Variants in KAZN observed in about 807,000 individuals in gnomAD.
KAZN encodes kazrin.
A neutral mutation model predicts 87.4 loss-of-function variants in KAZN; 40 were observed. The ratio of observed to expected loss-of-function variants is 0.46; its 90% CI spans 0.36 to 0.60. The LOEUF (loss-of-function observed/expected upper bound fraction) is 0.60. KAZN is among the 20% of genes least tolerant of loss of function. The pLI is 0.00. For synonymous variants in KAZN, 466 were observed against 458.3 expected, an observed-to-expected ratio of 1.02 and a Z score of -0.22; for missense variants, 898 against 1,073.9, an observed-to-expected ratio of 0.84 and a Z score of 2.29.
In KAZN at chr1:14,343,720, C is replaced by T. The variant is rs540524065; in HGVS notation, c.249+163128C>T. Among the ~76,000 whole-genome samples the T allele has an allele frequency of 5.3e-4, 81 of 152,238 alleles. 1 individual carries two copies. The highest frequency in any genetic ancestry group is 1.0e-3 in the Non-Finnish European group (68 of 67,992). ...TGCCTAAAATGGTTTGCAAACAAATCGAATTTTTAAAATCTCCCTTTCAAT... is the reference window on the plus strand; with the variant it reads ...TGCCTAAAATGGTTTGCAAACAAATTGAATTTTTAAAATCTCCCTTTCAAT... On this transcript the variant is annotated intron_variant, in intron 2 of 16. Transcript: ENST00000636203.
At chr1:14,390,982 G>C (rs2101089375) in intron 2 of KAZN, among the ~76,000 whole-genome samples, 1 of 152,320 alleles carries the variant, frequency 6.6e-6, no homozygotes, top group South Asian at 2.1e-4. Context: ...GAAGATATTG[G>C]CTTCGACTCA....
At chr1:14,638,579 CAAA>C (rs60784404) in intron 1 of KAZN, among the ~76,000 whole-genome samples, 2 of 128,742 alleles carry the variant, frequency 1.6e-5, no homozygotes. Context: ...AAAAAAAAAA[CAAA>C]AAAAAAAAAA....
At chr1:14,867,724 A>ATACCCC (rs35065469) in intron 1 of KAZN, among the ~76,000 whole-genome samples, 1 of 107,422 alleles carries the variant, frequency 9.3e-6, no homozygotes. Flanking sequence ...CTTTGAAGAC[A>ATACCCC]CCCCCCCCCC....
chr1:14,149,275 G>GTTTT (rs1249415820), intron 1 of KAZN, among the ~76,000 whole-genome samples: 4 of 112,348 alleles, frequency 3.6e-5, no homozygotes, highest in African/African-American at 1.4e-4. Context: ...CTAATTTTTT[G>GTTTT]TATTTTTTTT....
In KAZN at chr1:15,066,300, CT is replaced by C; in HGVS notation, c.1222+548del. The C allele has an allele frequency of 1.0e-6, 1 of 985,984 alleles. No individual in the cohort carries two copies. Among genetic ancestry groups the C allele is most frequent in the East Asian group, 1.1e-4 (1 of 8,820 alleles). 61.1% of individuals were successfully genotyped at this position (985,984 alleles called of 1,614,324 possible). Reference sequence around the variant, plus strand: ...CCAAACCGCTACTCCTGGAGCCCGTCTGGCAGAGGATGTGGTCTGTTTTTGA... The same window carrying C: ...CCAAACCGCTACTCCTGGAGCCCGTCGGCAGAGGATGTGGTCTGTTTTTGA... On this transcript the variant is annotated intron_variant, in intron 8 of 14. Coordinates refer to ENST00000376030, the MANE Select transcript of KAZN (RefSeq NM_201628.3). The surrounding 1 kb of genome is among the most constrained non-coding windows in gnomAD (Gnocchi z 4.3).
chr1:14,854,280 C>T (rs1279191692), intron 1 of KAZN, among the ~76,000 whole-genome samples: 1 of 152,236 alleles, frequency 6.6e-6, no homozygotes, highest in Non-Finnish European at 1.5e-5. Context: ...CTAAGACAGA[C>T]TCTGAGTGCC....
chr1:14,084,817 C>T (rs1296896044), intron 1 of KAZN, among the ~76,000 whole-genome samples: 2 of 152,092 alleles, frequency 1.3e-5, no homozygotes, highest in African/African-American at 4.8e-5. Flanking sequence ...CAACATGGCA[C>T]ACGTATAGAT....
At chr1:14,917,942 G>A (rs376209096) in intron 1 of KAZN, among the ~76,000 whole-genome samples, 3 of 151,658 alleles carry the variant, frequency 2.0e-5, no homozygotes, top group South Asian at 2.1e-4. Flanking sequence ...GCAGTGGCGC[G>A]ATCTCAGCTC....
chr1:14,281,269 T>G (rs1238324179), intron 2 of KAZN, among the ~76,000 whole-genome samples: 7 of 152,210 alleles, frequency 4.6e-5, no homozygotes, highest in Non-Finnish European at 1.0e-4. Flanking sequence ...CTGTTCATTC[T>G]TCACCAAATT....
At chr1:14,020,618 A>G (rs765940103) in intron 1 of KAZN, among the ~76,000 whole-genome samples, 4 of 152,208 alleles carry the variant, frequency 2.6e-5, no homozygotes, top group Admixed American at 6.5e-5. Context: ...GATATGCATG[A>G]TAAGTGTCCA....
chr1:13,987,068 T>C (rs1639053081), intron 1 of KAZN, among the ~76,000 whole-genome samples: 1 of 152,194 alleles, frequency 6.6e-6, no homozygotes, highest in Admixed American at 6.5e-5. Flanking sequence ...CTTTTACCTG[T>C]TGTGGGATTT....
At chr1:14,690,447 G>T (rs184909255) in intron 1 of KAZN, among the ~76,000 whole-genome samples, 1 of 152,294 alleles carries the variant, frequency 6.6e-6, no homozygotes, top group African/African-American at 2.4e-5. Context: ...TCTGCGGCCA[G>T]TCTGAAATGG....
intron 2 of KAZN, among the ~76,000 whole-genome samples, chr1:14,183,132 T>C (rs1204032375): frequency 6.6e-6 from 1 of 152,142 alleles, no homozygotes; most frequent in African/African-American, 2.4e-5. Flanking sequence ...AAATGCATAA[T>C]CGATTCAAGT....
chr1:14,553,259 C>A (rs1673654142), intron 2 of KAZN, among the ~76,000 whole-genome samples: 1 of 152,146 alleles, frequency 6.6e-6, no homozygotes, highest in Non-Finnish European at 1.5e-5. Flanking sequence ...CACTTGTAAT[C>A]CCAGCTACTC....
At chr1:14,681,312 G>A (rs1245406182) in intron 1 of KAZN, among the ~76,000 whole-genome samples, 5 of 152,080 alleles carry the variant, frequency 3.3e-5, no homozygotes, top group Admixed American at 6.5e-5. Context: ...TGGGCTACTC[G>A]GAGTAAAGCT....
chr1:15,065,957 A>G, intron 8 of KAZN: 1 of 1,389,326 alleles, frequency 7.2e-7, no homozygotes, highest in Non-Finnish European at 9.3e-7. Flanking sequence ...TAACAAGTGA[A>G]AACACGAGTG....
In KAZN at chr1:15,081,747, G is replaced by A. The variant is rs958724372; in HGVS notation, c.1223-12433G>A. Among the ~76,000 whole-genome samples, 4 of 152,048 alleles carry A rather than the reference G, an allele frequency of 2.6e-5. No individual in the cohort carries two copies. Among genetic ancestry groups the A allele is most frequent in the African/African-American group, 9.7e-5 (4 of 41,368 alleles). On this transcript the variant is annotated intron_variant, in intron 8 of 14. Transcript: ENST00000376030. This position sits in a 1 kb window ranked among gnomAD's most constrained non-coding sequence, Gnocchi z 4.1. ...AAGGGAACGGCAGGTGCAGGGATTG[G>A]AGAGGGGGAATTAGGGGCATCGGGG... is the stretch of plus-strand genomic sequence containing the variant.
intron 1 of KAZN, among the ~76,000 whole-genome samples, chr1:14,948,555 A>G (rs1395254695): frequency 2.0e-5 from 3 of 152,190 alleles, no homozygotes. Context: ...CCTGAACCAC[A>G]GGTGTTGACA....
chr1:14,740,547 C>G (rs1022035031), intron 1 of KAZN, among the ~76,000 whole-genome samples: 1 of 152,034 alleles, frequency 6.6e-6, no homozygotes, highest in African/African-American at 2.4e-5. Context: ...TGCCTCCGCC[C>G]CCCCAAAAAA....
Sources: allele counts gnomAD v4.1 joint callset (sites outside exome capture counted in the v4.1 genomes callset), GRCh38; gene constraint gnomAD v4.1.1; non-coding constraint Gnocchi (gnomAD v3.1); transcripts MANE v1.5; gene names NCBI Gene and HGNC (gene_info 2026-07-23, HGNC 2026-07-21).